ABCA1: variants seen among roughly 807,000 people sequenced by gnomAD.
ABCA1 encodes ATP binding cassette subfamily A member 1.
Under a neutral mutation model 262.5 loss-of-function variants are expected in ABCA1, and 133 were observed. That is an observed-to-expected ratio of 0.51 (90% confidence interval 0.44 to 0.59). The LOEUF is 0.59. Among genes scored for constraint, ABCA1 ranks in the 20% least tolerant of loss-of-function variants. The pLI is 0.00. For missense variants in ABCA1, 2,452 were observed against 2,777.5 expected (o/e 0.88, Z 2.63); for synonymous variants, 1,022 against 1,043.5 (o/e 0.98, Z 0.40).
intron 16 of ABCA1, among the ~76,000 whole-genome samples, chr9:104,826,148 C>T (rs1162824988): frequency 1.3e-5 from 2 of 152,092 alleles, no homozygotes; most frequent in African/African-American, 2.4e-5. Context: ...ACTTTTAAAA[C>T]TTTATGTTTC....
chr9:104,837,623 C>T lies in ABCA1; in HGVS notation c.1055-56G>A. On this transcript the variant is annotated intron_variant, in intron 9 of 49. Transcript: ENST00000374736. ...ATGCATGGTCATATACTGATAGAAA[C>T]TTACAAGGGCTTTGGAGCCAGAGAG... 6.9e-6 allele frequency: 11 copies of T among 1,601,212 alleles called. No homozygotes were observed. In the East Asian group the frequency reaches 2.5e-4, roughly 36 times the overall value.
At chr9:104,915,700 T>C (rs976337072) in intron 1 of ABCA1, among the ~76,000 whole-genome samples, 3 of 151,972 alleles carry the variant, frequency 2.0e-5, no homozygotes, top group African/African-American at 7.3e-5. Context: ...GTGGGAAAAA[T>C]GGAACAAAAG....
At chr9:104,793,116 C>T (rs1395093948) in intron 41 of ABCA1, 55 bp downstream of exon 41, 7 of 1,610,172 alleles carry the variant, frequency 4.3e-6, no homozygotes, top group South Asian at 3.3e-5. Context: ...TTTCCCTGTG[C>T]GCCTCCTCTG....
intron 1 of ABCA1, among the ~76,000 whole-genome samples, chr9:104,921,893 C>G (rs1261335174): frequency 6.6e-6 from 1 of 152,126 alleles, no homozygotes; most frequent in Non-Finnish European, 1.5e-5. Context: ...GAATTAAATA[C>G]ATGATACAAA....
At chr9:104,796,227 C>A (rs201665886) in intron 38 of ABCA1, 30 bp from the exon 39 acceptor site, 5 of 1,614,004 alleles carry the variant, frequency 3.1e-6, no homozygotes, top group African/African-American at 1.3e-5. Context: ...TAAGTGTCTA[C>A]TGAGAGTCCC....
intron 7 of ABCA1, among the ~76,000 whole-genome samples, chr9:104,854,899 C>G (rs1280507162): frequency 1.3e-5 from 2 of 152,126 alleles, no homozygotes; most frequent in African/African-American, 4.8e-5. Context: ...TAGAAAATAC[C>G]TGACACATAA....
intron 5 of ABCA1, among the ~76,000 whole-genome samples, chr9:104,868,581 CCA>C (rs1837299451): frequency 1.3e-5 from 2 of 152,196 alleles, no homozygotes; most frequent in Non-Finnish European, 2.9e-5. Flanking sequence ...GGCTCTCCCA[CCA>C]CAGTCTCTTC....
At chr9:104,872,120 A>G (rs80291013) in intron 5 of ABCA1, among the ~76,000 whole-genome samples, 3,895 of 152,314 alleles carry the variant, frequency 0.026, 184 homozygotes, top group African/African-American at 0.089. Context: ...AAAGTGACTC[A>G]TATTTACCAA....
chr9:104,845,995 T>C (rs370149270), intron 7 of ABCA1, among the ~76,000 whole-genome samples: 8 of 152,116 alleles, frequency 5.3e-5, no homozygotes, highest in African/African-American at 1.9e-4. Context: ...CTGTCAAAAA[T>C]AGGGAAAGAT....
intron 31 of ABCA1, among the ~76,000 whole-genome samples, chr9:104,805,685 G>A (rs931519422): frequency 6.6e-6 from 1 of 152,218 alleles, no homozygotes; most frequent in African/African-American, 2.4e-5. Context: ...AGCCAAGATT[G>A]GAAGCCAGGC....
chr9:104,857,393 C>T (rs2487056), intron 7 of ABCA1, among the ~76,000 whole-genome samples: 4 of 152,086 alleles, frequency 2.6e-5, no homozygotes, highest in Non-Finnish European at 4.4e-5. Flanking sequence ...CCATCACGCC[C>T]GGCTATTTTT....
At chr9:104,895,895 A>G (rs1840160428) in intron 2 of ABCA1, among the ~76,000 whole-genome samples, 1 of 152,232 alleles carries the variant, frequency 6.6e-6, no homozygotes, top group South Asian at 2.1e-4. Context: ...CAAAGAACAG[A>G]GAAAACTAGC....
At chr9:104,795,374 G>A (rs573409713) in intron 39 of ABCA1, among the ~76,000 whole-genome samples, 6 of 152,316 alleles carry the variant, frequency 3.9e-5, no homozygotes, top group African/African-American at 9.6e-5. Flanking sequence ...AATGACAACC[G>A]GAATGGAGAG....
chr9:104,807,884 AT>A (rs373251660), intron 30 of ABCA1, among the ~76,000 whole-genome samples: 6,569 of 62,334 alleles, frequency 0.11, 407 homozygotes, highest in African/African-American at 0.18. Flanking sequence ...ACATATATAT[AT>A]TATAAATATA....
intron 33 of ABCA1, 110 bp downstream of exon 33, chr9:104,803,174 C>T: frequency 1.6e-6 from 2 of 1,243,134 alleles, no homozygotes; most frequent in Non-Finnish European, 2.4e-6. Context: ...AGTGAGATGG[C>T]ACCCACAAGT....
In ABCA1 at chr9:104,799,893, G is replaced by C. The variant is rs756027130; in HGVS notation, c.4869C>G (p.Asn1623Lys). 3 of 1,614,162 alleles carry C rather than the reference G, an allele frequency of 1.9e-6. No individual in the cohort carries two copies. Among genetic ancestry groups the C allele is most frequent in the Non-Finnish European group, 2.5e-6 (3 of 1,180,042 alleles). ...AAGCAGTAATTCCATAATGGCTAGG[G>C]TTCTCTCCCTTTTGCAGGTTGGCCC... ...ILRANLQKGENPSHYGITAFN... is the reference protein window; with the variant it reads ...ILRANLQKGEKPSHYGITAFN... The change falls in exon 36 of 50, where the codon AAC (asparagine) becomes AAG (lysine). Residue 1623 changes from asparagine (N) to lysine (K), a missense_variant. Asn to Lys is a moderately conservative substitution (Grantham distance 94, BLOSUM62 0). This residue lies in a region of ABCA1 where 752 missense variants were observed against 944.5 expected (regional missense o/e 0.80). Transcript: ENST00000374736.
chr9:104,908,493 C>T (rs1040107517), intron 1 of ABCA1, among the ~76,000 whole-genome samples: 2 of 152,110 alleles, frequency 1.3e-5, no homozygotes, highest in African/African-American at 2.4e-5. Context: ...ATGGTGAAAC[C>T]CCATCTCTAC....
intron 8 of ABCA1, among the ~76,000 whole-genome samples, chr9:104,844,361 G>C (rs565795427): frequency 1.3e-5 from 2 of 151,974 alleles, no homozygotes; most frequent in African/African-American, 4.8e-5. Flanking sequence ...CTGAAAGAAG[G>C]CTTCTCCTCT....
In ABCA1 at chr9:104,817,352, T is replaced by C. The variant is rs142877738; in HGVS notation, c.3515A>G (p.Glu1172Gly). The C allele has an allele frequency of 6.3e-4, 1,012 of 1,614,120 alleles. 13 individuals are homozygous for C. In the South Asian group the frequency reaches 9.4e-3, roughly 15 times the overall value. ...CTTACCGATGGTCAGCGTGTCACTCTCATGGTCGCTGCCCAGGCCAGCATC... is the reference window on the plus strand; with the variant it reads ...CTTACCGATGGTCAGCGTGTCACTCCCATGGTCGCTGCCCAGGCCAGCATC... Reference protein sequence around the residue: ...SSDAGLGSDHESDTLTIDVSA... With the variant: ...SSDAGLGSDHGSDTLTIDVSA... The change falls in exon 24 of 50, where the codon GAG becomes GGG. Residue 1172 changes from glutamate to glycine, a missense_variant. By Grantham distance (98) the Glu-to-Gly change is moderately conservative. Coordinates refer to ENST00000374736, the MANE Select transcript of ABCA1 (RefSeq NM_005502.4). The surrounding 1 kb of genome is among the most constrained non-coding windows in gnomAD (Gnocchi z 4.7).
Sources: gnomAD v4.1 joint callset for allele counts (sites outside exome capture counted in the v4.1 genomes callset) on GRCh38, gnomAD v4.1.1 for gene constraint, gnomAD v4.1.1 regional missense constraint, Gnocchi (gnomAD v3.1) non-coding constraint, MANE v1.5 for transcripts, NCBI Gene and HGNC (gene_info 2026-07-23, HGNC 2026-07-21) for gene names.